The following SLC9D1 variants were observed in gnomAD, a reference collection of about 807,000 sequenced individuals.
The protein encoded by SLC9D1 is solute carrier family 9 member D1.
the SLC9D1 span, chr13:113,495,379 T>A: frequency 2.0e-6 from 1 of 512,122 alleles, no homozygotes; most frequent in African/African-American, 1.9e-5. Context: ...GATGTTGATA[T>A]TTATCTAGGA....
At chr13:113,513,874 G>T in the SLC9D1 span, among the ~76,000 whole-genome samples, 1 of 152,140 alleles carries the variant, frequency 6.6e-6, no homozygotes, top group Non-Finnish European at 1.5e-5. Context: ...TTAATTTGAG[G>T]TGAGGAGTCC....
At chr13:113,540,328 G>A in the SLC9D1 span, among the ~76,000 whole-genome samples, 7 of 152,172 alleles carry the variant, frequency 4.6e-5, no homozygotes, top group South Asian at 2.1e-4. Context: ...TTTCCATCGC[G>A]GCTAAACTAA....
chr13:113,548,267 A>G, the SLC9D1 span: 191 of 1,609,676 alleles, frequency 1.2e-4, 1 homozygote, highest in Non-Finnish European at 1.6e-4. Context: ...GTGTGGGTCC[A>G]GTCTTCAGCA....
At chr13:113,547,099 A>G in the SLC9D1 span, 1 of 572,456 alleles carries the variant, frequency 1.7e-6, no homozygotes. Flanking sequence ...CAGACAGGTC[A>G]TCCCAGGGCA....
the SLC9D1 span, among the ~76,000 whole-genome samples, chr13:113,538,107 G>A: frequency 1.8e-4 from 26 of 147,144 alleles, 1 homozygote; most frequent in East Asian, 4.5e-3. Context: ...ACATGTGCAT[G>A]TATGTGTTTG....
the SLC9D1 span, chr13:113,511,891 A>C: frequency 3.3e-5 from 5 of 152,256 alleles, no homozygotes; most frequent in African/African-American, 1.2e-4. Context: ...AAATCAGTGC[A>C]CGGTGTATAT....
the SLC9D1 span, among the ~76,000 whole-genome samples, chr13:113,523,791 G>A: frequency 8.5e-5 from 13 of 152,130 alleles, no homozygotes; most frequent in African/African-American, 1.7e-4. Flanking sequence ...TGTTTTAGCC[G>A]CATCTCATAT....
the SLC9D1 span, among the ~76,000 whole-genome samples, chr13:113,526,488 G>A: frequency 2.0e-5 from 3 of 152,266 alleles, no homozygotes; most frequent in East Asian, 3.9e-4. Flanking sequence ...GGAGGCCAAG[G>A]CGGGAGGATT....
At chr13:113,543,493 TCCCCCC>T in the SLC9D1 span, among the ~76,000 whole-genome samples, 1 of 712 alleles carries the variant, frequency 1.4e-3, no homozygotes, top group Admixed American at 0.019. Context: ...CTCCTCCCCC[TCCCCCC>T]GCCCTCCATC....
chr13:113,520,697 C>T, the SLC9D1 span: 37 of 1,613,778 alleles, frequency 2.3e-5, no homozygotes, highest in Non-Finnish European at 2.8e-5. Context: ...GCCGTCATGC[C>T]GACTCTCATA....
At chr13:113,497,122 CTGTGTGTCAAGTCTGCAGT>C in the SLC9D1 span, among the ~76,000 whole-genome samples, 1 of 151,602 alleles carries the variant, frequency 6.6e-6, no homozygotes, top group African/African-American at 2.4e-5. Context: ...AGACCTGCAG[CTGTGTGTCAAGTCTGCAGT>C]TGTGTGTCAG....
chr13:113,541,332 A>G, the SLC9D1 span, among the ~76,000 whole-genome samples: 55,247 of 141,592 alleles, frequency 0.39, 12,629 homozygotes, highest in African/African-American at 0.61. Flanking sequence ...AGTTGTGTGG[A>G]TGCCATGCAC....
At chr13:113,510,083 T>C in the SLC9D1 span, among the ~76,000 whole-genome samples, 2 of 152,168 alleles carry the variant, frequency 1.3e-5, no homozygotes, top group Admixed American at 6.5e-5. Flanking sequence ...AAGCCCTGTG[T>C]GAGGATTCAC....
chr13:113,493,439 T>A, the SLC9D1 span, among the ~76,000 whole-genome samples: 1 of 152,144 alleles, frequency 6.6e-6, no homozygotes, highest in African/African-American at 2.4e-5. Flanking sequence ...TTAGCTCCGT[T>A]GGACCAACCG....
the SLC9D1 span, among the ~76,000 whole-genome samples, chr13:113,516,622 A>G: frequency 6.6e-6 from 1 of 151,946 alleles, no homozygotes; most frequent in Non-Finnish European, 1.5e-5. Context: ...CAAACTTAAG[A>G]CTGTCTCACC....
the SLC9D1 span, among the ~76,000 whole-genome samples, chr13:113,523,302 G>T: frequency 1.3e-3 from 199 of 152,176 alleles, 1 homozygote; most frequent in African/African-American, 4.6e-3. Context: ...TTTCCTTTTG[G>T]GGAGTTTTCT....
chr13:113,499,961 A>G, the SLC9D1 span: 2 of 1,490,610 alleles, frequency 1.3e-6, no homozygotes, highest in African/African-American at 1.4e-5. Flanking sequence ...CTTGCAGGTC[A>G]AGGGGGTCAA....
the SLC9D1 span, among the ~76,000 whole-genome samples, chr13:113,493,200 G>A: frequency 6.6e-6 from 1 of 152,190 alleles, no homozygotes; most frequent in Non-Finnish European, 1.5e-5. Context: ...CCCTTAGAGG[G>A]ACAACTAATT....
the SLC9D1 span, chr13:113,495,755 AG>A: frequency 1.2e-6 from 2 of 1,614,134 alleles, no homozygotes; most frequent in Non-Finnish European, 1.7e-6. Flanking sequence ...GGAAGCTCTC[AG>A]GGCTTCTCCG....
Sources: allele counts gnomAD v4.1 joint callset (sites outside exome capture counted in the v4.1 genomes callset), GRCh38; gene constraint gnomAD v4.1.1; transcripts MANE v1.5; gene names NCBI Gene and HGNC (gene_info 2026-07-23, HGNC 2026-07-21).